The following DMRT1 variants were observed in gnomAD, a reference collection of about 807,000 sequenced individuals.
DMRT1 encodes doublesex- and mab-3-related transcription factor 1.
In DMRT1, 7 loss-of-function variants were observed where a neutral mutation model predicts 32.3. The observed-to-expected ratio is 0.22, with a 90% confidence interval of 0.12 to 0.41. The LOEUF (loss-of-function observed/expected upper bound fraction) is 0.41, where lower values mean the gene tolerates loss of function less well. DMRT1 is among the 10% of genes least tolerant of loss of function. DMRT1 has a pLI of 1.00. For missense variants in DMRT1, 625 were observed against 500.5 expected, an observed-to-expected ratio of 1.25 and a Z score of -2.37; for synonymous variants, 278 against 206.1, an observed-to-expected ratio of 1.35 and a Z score of -2.99.
intron 4 of DMRT1, among the ~76,000 whole-genome samples, chr9:951,476 T>A (rs1819425698): frequency 6.6e-6 from 1 of 152,216 alleles, no homozygotes; most frequent in Non-Finnish European, 1.5e-5. Context: ...CAGTGCATTC[T>A]GTATACTGAA....
chr9:873,807 C>G (rs890378589), intron 2 of DMRT1, among the ~76,000 whole-genome samples: 1 of 152,000 alleles, frequency 6.6e-6, no homozygotes, highest in Non-Finnish European at 1.5e-5. Flanking sequence ...GAGACTAAGG[C>G]TAAAGATGAC....
At chr9:882,501 T>G (rs1393693222) in intron 2 of DMRT1, among the ~76,000 whole-genome samples, 1 of 152,150 alleles carries the variant, frequency 6.6e-6, no homozygotes, top group Admixed American at 6.5e-5. Context: ...CATTCTCCTT[T>G]GCACTGTTAA....
intron 2 of DMRT1, among the ~76,000 whole-genome samples, chr9:863,524 A>T (rs1023368100): frequency 7.9e-5 from 12 of 152,182 alleles, no homozygotes; most frequent in Admixed American, 6.5e-5. Context: ...CCCTCAGCTG[A>T]CAGCCAGCAA....
At position 968,511 on chromosome 9, in the gene DMRT1, A is replaced by T; in HGVS notation, c.*372A>T. The stretch of plus-strand genomic sequence containing the variant: ...TTTAAAATGAAATCTTAGGTGCCTT[A>T]GGGGTTTTTTTTTTTTTTAAGTATT... On this transcript the variant is annotated 3_prime_UTR_variant, in exon 5 of 5. Transcript: ENST00000382276. The T allele has an allele frequency of 1.0e-5, 1 of 96,336 alleles. No homozygotes were observed. Among genetic ancestry groups the T allele is most frequent in the Non-Finnish European group, 2.1e-5 (1 of 48,750 alleles). The allele number at this position is 96,336 out of a possible 1,614,324, so 6.0% of individuals were successfully genotyped here.
intron 4 of DMRT1, among the ~76,000 whole-genome samples, chr9:920,010 T>C (rs1818304484): frequency 1.3e-5 from 2 of 152,214 alleles, no homozygotes; most frequent in Non-Finnish European, 2.9e-5. Flanking sequence ...TTTCCAATTA[T>C]TGAGGTAAAG....
intron 4 of DMRT1, among the ~76,000 whole-genome samples, chr9:922,433 C>A (rs1411717207): frequency 6.6e-6 from 1 of 152,042 alleles, no homozygotes; most frequent in East Asian, 1.9e-4. Context: ...GCTTCCCCAG[C>A]TGGTGATGAA....
At chr9:858,873 ATATATATAT>A (rs1815527165) in intron 2 of DMRT1, among the ~76,000 whole-genome samples, 1 of 31,364 alleles carries the variant, frequency 3.2e-5, no homozygotes, top group African/African-American at 1.0e-4. Context: ...AAAAAAAAAT[ATATATATAT>A]ATATATATAT....
chr9:872,080 G>C (rs1190340873), intron 2 of DMRT1, among the ~76,000 whole-genome samples: 2 of 149,422 alleles, frequency 1.3e-5, no homozygotes, highest in Non-Finnish European at 3.0e-5. Context: ...CTTTTTTTTT[G>C]TGATGGCATC....
chr9:857,013 T>C (rs1321477773), intron 2 of DMRT1, among the ~76,000 whole-genome samples: 1 of 152,196 alleles, frequency 6.6e-6, no homozygotes, highest in Non-Finnish European at 1.5e-5. Context: ...TTATTATCAA[T>C]AGATACATGT....
chr9:967,766 G>A (rs1017213909), intron 4 of DMRT1, among the ~76,000 whole-genome samples: 5 of 152,098 alleles, frequency 3.3e-5, no homozygotes, highest in African/African-American at 1.2e-4. Flanking sequence ...TACTCCTTTC[G>A]TTAAATAGGT....
At chr9:900,287 G>A (rs1817522970) in intron 3 of DMRT1, among the ~76,000 whole-genome samples, 2 of 152,194 alleles carry the variant, frequency 1.3e-5, no homozygotes, top group African/African-American at 4.8e-5. Context: ...TGGAAGGGTT[G>A]GGAAGGGCAC....
chr9:931,781 C>G (rs1187129845), intron 4 of DMRT1, among the ~76,000 whole-genome samples: 1 of 152,148 alleles, frequency 6.6e-6, no homozygotes, highest in African/African-American at 2.4e-5. Flanking sequence ...CCCTAAAGGC[C>G]CTGTCTCCAA....
At chr9:862,713 G>T (rs1310611647) in intron 2 of DMRT1, among the ~76,000 whole-genome samples, 8 of 152,136 alleles carry the variant, frequency 5.3e-5, no homozygotes, top group Non-Finnish European at 8.8e-5. Context: ...AGTCTATACT[G>T]GGGGTACGTT....
At chr9:904,732 G>A (rs528890742) in intron 3 of DMRT1, among the ~76,000 whole-genome samples, 1 of 152,246 alleles carries the variant, frequency 6.6e-6, no homozygotes, top group Admixed American at 6.5e-5. Context: ...ATCACCTGAG[G>A]TCAGGAGTTT....
chr9:908,780 TTC>T (rs1216213872), intron 3 of DMRT1, among the ~76,000 whole-genome samples: 1 of 152,152 alleles, frequency 6.6e-6, no homozygotes, highest in Non-Finnish European at 1.5e-5. Flanking sequence ...AAATGGTTGG[TTC>T]TCTCTGCCCT....
chr9:861,922 G>T (rs973184670), intron 2 of DMRT1, among the ~76,000 whole-genome samples: 2 of 148,970 alleles, frequency 1.3e-5, no homozygotes, highest in East Asian at 2.0e-4. Context: ...GGGCAGAGGC[G>T]CTCCCAACAT....
chr9:879,686 C>T (rs546910432), intron 2 of DMRT1, among the ~76,000 whole-genome samples: 2 of 152,284 alleles, frequency 1.3e-5, no homozygotes, highest in South Asian at 2.1e-4. Context: ...ATTTTGTACT[C>T]TGTTTCATTA....
chr9:879,035 G>A (rs1295537502), intron 2 of DMRT1, among the ~76,000 whole-genome samples: 1 of 152,086 alleles, frequency 6.6e-6, no homozygotes. Flanking sequence ...CAGACATAAG[G>A]ATAAAGCCAG....
chr9:886,456 A>G (rs1468620159), intron 2 of DMRT1, among the ~76,000 whole-genome samples: 1 of 151,932 alleles, frequency 6.6e-6, no homozygotes, highest in Non-Finnish European at 1.5e-5. Context: ...GGGTTTTGCC[A>G]TGTTGGCCAG....
Sources: allele counts gnomAD v4.1 joint callset (sites outside exome capture counted in the v4.1 genomes callset), GRCh38; gene constraint gnomAD v4.1.1; transcripts MANE v1.5; gene names NCBI Gene and HGNC (gene_info 2026-07-23, HGNC 2026-07-21).